Variants in FABP6 observed in about 807,000 individuals in gnomAD.
The protein encoded by FABP6 is gastrotropin.
A neutral mutation model predicts 14.9 loss-of-function variants in FABP6; 13 were observed. The ratio of observed to expected loss-of-function variants is 0.87; its 90% CI spans 0.57 to 1.39. The LOEUF is 1.39. Among genes scored for constraint, FABP6 ranks in the 40% most tolerant of loss-of-function variants. The pLI is 0.00. For synonymous variants in FABP6, 75 were observed against 63.6 expected (o/e 1.18, Z -0.85); for missense variants, 161 against 167.2 (o/e 0.96, Z 0.20).
chr5:160,222,095 C>CTT (rs202190021), intron 3 of FABP6, among the ~76,000 whole-genome samples: 41,694 of 130,120 alleles, frequency 0.32, 6,703 homozygotes, highest in East Asian at 0.39. Flanking sequence ...TTTTTCTTTT[C>CTT]TTTTTTTTTT....
chr5:160,203,327 G>T (rs905107203), intron 2 of FABP6, among the ~76,000 whole-genome samples: 2 of 152,204 alleles, frequency 1.3e-5, no homozygotes, highest in Non-Finnish European at 2.9e-5. Flanking sequence ...TTATCATGCT[G>T]TCTCAGGTTG....
In FABP6 at chr5:160,234,872, A is replaced by G. The variant is rs773442762; in HGVS notation, c.296A>G (p.His99Arg). 2 of 1,611,018 alleles carry G rather than the reference A, an allele frequency of 1.2e-6. No homozygotes were observed. Among genetic ancestry groups the G allele is most frequent in the Non-Finnish European group, 1.7e-6 (2 of 1,178,504 alleles). ...GKLVVNFPNY[H>R]QTSEIVGDKL... ...CTGGTGGTGAATTTCCCCAACTATC[A>G]CCAGACCTCAGAGATCGTGGGTGAC... The change falls in exon 3 of 4, where the codon CAC becomes CGC. Residue 99 changes from histidine to arginine, a missense_variant. Transcript: ENST00000402432.
At chr5:160,229,264 G>A (rs1760315350), upstream of FABP6, among the ~76,000 whole-genome samples, 1 of 152,170 alleles carries the variant, frequency 6.6e-6, no homozygotes, top group South Asian at 2.1e-4. Flanking sequence ...GGAACGGAGG[G>A]AGAGATGGGC....
chr5:160,192,010 G>C (rs976920130), intron 1 of FABP6, among the ~76,000 whole-genome samples: 27 of 151,888 alleles, frequency 1.8e-4, no homozygotes, highest in Admixed American at 1.7e-3. Context: ...GAAATCCTGG[G>C]CTCAAGCAGT....
At chr5:160,217,288 A>G (rs1760032363) in intron 3 of FABP6, among the ~76,000 whole-genome samples, 2 of 152,226 alleles carry the variant, frequency 1.3e-5, no homozygotes, top group South Asian at 4.1e-4. Flanking sequence ...TACTAAGTTC[A>G]GAGTAGAGAT....
In FABP6 at chr5:160,188,515, G is replaced by A. The variant is rs568856108; in HGVS notation, c.-59+1061G>A. On this transcript the variant is annotated intron_variant, in intron 1 of 6. Transcript: ENST00000393980. ...ACTGCAGGGAGGCCACTCCGCAGGC[G>A]CCTCCCCTTTCCCGCTGGGGAGAGG... Among the ~76,000 whole-genome samples the A allele has an allele frequency of 3.0e-3, 458 of 152,252 alleles. 3 individuals carry two copies. Among genetic ancestry groups the A allele is most frequent in the African/African-American group, 0.011 (441 of 41,560 alleles).
At chr5:160,223,332 C>CCCTTCCTTCCTTCCTTCCCTCCTT (rs1561752037) in intron 3 of FABP6, among the ~76,000 whole-genome samples, 1 of 93,370 alleles carries the variant, frequency 1.1e-5, no homozygotes, top group Non-Finnish European at 2.0e-5. Context: ...TTTTTGCCCG[C>CCCTTCCTTCCTTCCTTCCCTCCTT]CCTTCCTTCC....
upstream of FABP6, among the ~76,000 whole-genome samples, chr5:160,227,736 T>G (rs1450054229): frequency 6.6e-6 from 1 of 151,776 alleles, no homozygotes; most frequent in East Asian, 1.9e-4. Flanking sequence ...ACCAAACTAC[T>G]ATCACAGGCC....
rs1054124789 is a variant in FABP6, at chr5:160,199,247, T to A, written c.51+90T>A. On this transcript the variant is annotated intron_variant, in intron 2 of 6. Coordinates refer to the FABP6 transcript ENST00000393980. ...GGGAGAACACCTTGGGTGGGGGACT[T>A]GCTCGCCTTTCTCTGTGATGCTAAT... 5 of 1,337,344 alleles carry A rather than the reference T, an allele frequency of 3.7e-6. No individual in the cohort carries two copies. The African/African-American group carries it at 7.2e-5, about 19-fold the overall frequency. The allele number at this position is 1,337,344 out of a possible 1,614,324, so 82.8% of individuals were successfully genotyped here.
At chr5:160,201,264 G>A (rs189986100) in intron 2 of FABP6, among the ~76,000 whole-genome samples, 16 of 152,150 alleles carry the variant, frequency 1.1e-4, no homozygotes, top group African/African-American at 3.6e-4. Flanking sequence ...AGGCTGGTGT[G>A]GGAGGATCAC....
At chr5:160,216,679 A>C (rs1037269905) in intron 3 of FABP6, among the ~76,000 whole-genome samples, 4 of 152,202 alleles carry the variant, frequency 2.6e-5, no homozygotes, top group Admixed American at 2.6e-4. Context: ...ATTCCTATCC[A>C]AACTTAATCA....
chr5:160,192,328 C>T (rs973294973), intron 1 of FABP6, among the ~76,000 whole-genome samples: 1 of 25,248 alleles, frequency 4.0e-5, no homozygotes, highest in Admixed American at 2.0e-4. Flanking sequence ...TGCCCGGCCT[C>T]GCCAGTCTTA....
intron 2 of FABP6, among the ~76,000 whole-genome samples, chr5:160,209,503 C>A (rs144665469): frequency 6.0e-4 from 92 of 152,154 alleles, no homozygotes; most frequent in African/African-American, 2.1e-3. Context: ...GCCTGGGTGA[C>A]AAAGTGAGAC....
At chr5:160,207,043 A>C (rs527706691) in intron 2 of FABP6, among the ~76,000 whole-genome samples, 3 of 152,288 alleles carry the variant, frequency 2.0e-5, no homozygotes, top group South Asian at 4.1e-4. Flanking sequence ...CGTTGCATGA[A>C]AGTCAATTTT....
intron 1 of FABP6, among the ~76,000 whole-genome samples, chr5:160,187,984 TC>T (rs1759320312): frequency 6.6e-6 from 1 of 152,086 alleles, no homozygotes; most frequent in African/African-American, 2.4e-5. Context: ...ACTCCCGACT[TC>T]AGGTGATCCA....
At chr5:160,210,443 A>G (rs4921263) in intron 2 of FABP6, among the ~76,000 whole-genome samples, 2 of 152,120 alleles carry the variant, frequency 1.3e-5, no homozygotes, top group African/African-American at 4.8e-5. Flanking sequence ...GAAGGAATCT[A>G]TCCCTATGGT....
chr5:160,223,259 A>G (rs560965224), intron 3 of FABP6, among the ~76,000 whole-genome samples: 171 of 152,170 alleles, frequency 1.1e-3, no homozygotes, highest in Non-Finnish European at 1.3e-3. Flanking sequence ...GTGATCAGCA[A>G]TCTTTGATGT....
intron 2 of FABP6, among the ~76,000 whole-genome samples, chr5:160,211,793 A>G (rs1191982283): frequency 6.6e-6 from 1 of 152,162 alleles, no homozygotes; most frequent in Non-Finnish European, 1.5e-5. Flanking sequence ...TAGATCTGTA[A>G]GAGCTTTGGC....
chr5:160,219,138 G>A (rs1408227128), intron 3 of FABP6, among the ~76,000 whole-genome samples: 1 of 152,126 alleles, frequency 6.6e-6, no homozygotes, highest in Non-Finnish European at 1.5e-5. Context: ...TTTAATCAAG[G>A]AATTGATAAC....
Sources: allele counts gnomAD v4.1 joint callset (sites outside exome capture counted in the v4.1 genomes callset), GRCh38; gene constraint gnomAD v4.1.1; transcripts MANE v1.5; gene names NCBI Gene and HGNC (gene_info 2026-07-23, HGNC 2026-07-21).